Variants in KCND2 observed in about 807,000 individuals in gnomAD.
The protein encoded by KCND2 is potassium voltage-gated channel subfamily D member 2.
KCND2 carries 16 observed loss-of-function variants against 54.4 expected under a neutral mutation model. That is an observed-to-expected ratio of 0.29 (90% CI 0.20 to 0.45). The LOEUF is 0.45. Ranked by LOEUF, KCND2 falls within the 20% of genes least tolerant of loss-of-function variation. The probability of loss-of-function intolerance (pLI) is 1.00; values close to 1 mark genes in which losing one functional copy is unlikely to be tolerated. For missense variants in KCND2, 486 were observed against 824.2 expected (o/e 0.59, Z 5.02); for synonymous variants, 317 against 310.7 (o/e 1.02, Z -0.21).
chr7:120,366,353 C>T (rs554944481), intron 1 of KCND2, among the ~76,000 whole-genome samples: 13 of 151,486 alleles, frequency 8.6e-5, no homozygotes, highest in East Asian at 3.9e-4. Context: ...GACGTGGTGG[C>T]GCATGCCTGT....
At chr7:120,451,967 G>A (rs1047629753) in intron 1 of KCND2, among the ~76,000 whole-genome samples, 6 of 152,090 alleles carry the variant, frequency 3.9e-5, no homozygotes, top group African/African-American at 1.4e-4. Context: ...AGTCTATAAG[G>A]CTAATTATTC....
chr7:120,274,481 A>G lies in KCND2; in HGVS notation c.-152A>G. 1.2e-6 allele frequency: 1 copy of G among 838,440 alleles called. No individual in the cohort carries two copies. Among genetic ancestry groups the G allele is most frequent in the Non-Finnish European group, 2.0e-6 (1 of 501,464 alleles). 51.9% of individuals were successfully genotyped at this position (838,440 alleles called of 1,614,324 possible). ...TTGCCCTTCTGAGAACTGTGACTTT[A>G]CCAGGAGCCCTATCTTGGAATAAGA... On this transcript the variant is annotated 5_prime_UTR_variant, in exon 1 of 6. Coordinates refer to ENST00000331113, the MANE Select transcript of KCND2 (RefSeq NM_012281.3).
intron 1 of KCND2, among the ~76,000 whole-genome samples, chr7:120,586,166 GACACACACACACACACAAACACACAC>G (rs1053715053): frequency 6.6e-6 from 1 of 150,416 alleles, no homozygotes; most frequent in African/African-American, 2.4e-5. Context: ...CTCACACACA[GACACACACACACACACAAACACACAC>G]ACACAGGCAT....
At chr7:120,309,474 T>TATATATATATATATATATATATATAC in intron 1 of KCND2, among the ~76,000 whole-genome samples, 1 of 113,270 alleles carries the variant, frequency 8.8e-6, no homozygotes, top group South Asian at 2.9e-4. Flanking sequence ...TATATATATA[T>TATATATATATATATATATATATATAC]ACACACACAC....
At chr7:120,473,833 A>G (rs1048911154) in intron 1 of KCND2, among the ~76,000 whole-genome samples, 2 of 152,160 alleles carry the variant, frequency 1.3e-5, no homozygotes, top group Admixed American at 6.5e-5. Context: ...TTCCCTCCCT[A>G]AGCAAATCAC....
intron 1 of KCND2, among the ~76,000 whole-genome samples, chr7:120,538,049 A>G (rs1436031786): frequency 1.3e-5 from 2 of 152,162 alleles, no homozygotes; most frequent in African/African-American, 2.4e-5. Context: ...AGCTTTTCAC[A>G]TGCTACTCTC....
At chr7:120,623,272 T>G (rs534908531) in intron 1 of KCND2, among the ~76,000 whole-genome samples, 1 of 152,280 alleles carries the variant, frequency 6.6e-6, no homozygotes, top group South Asian at 2.1e-4. Flanking sequence ...CGTGTATTAT[T>G]ATTAATGGTA....
Position 120,602,254 on chromosome 7 carries a change from C to G in KCND2, c.1116-130649C>G, listed in dbSNP as rs1477806042. Among the ~76,000 whole-genome samples the G allele has an allele frequency of 2.6e-5, 4 of 152,146 alleles. No homozygotes were observed. The South Asian group carries it at 6.2e-4, about 24-fold the overall frequency. On this transcript the variant is annotated intron_variant, in intron 1 of 5. Transcript: ENST00000331113. ...TGGGTTATTATGAAAAATGTTCATT[C>G]TCAGTGATCATCAGAGTGTGGCGAA...
rs11521032 is a variant in KCND2 at position 120,534,635 on chromosome 7, A to G, written c.1116-198268A>G. The stretch of plus-strand genomic sequence containing the variant: ...TTTTTCAGTTGATAGCAATGTATCA[A>G]TGTCAATTTCTTAATTGTGACAACC... On this transcript the variant is annotated intron_variant, in intron 1 of 5. Coordinates refer to ENST00000331113, the MANE Select transcript of KCND2 (RefSeq NM_012281.3). Among the ~76,000 whole-genome samples the G allele has an allele frequency of 4.9e-4, 75 of 152,302 alleles. 1 individual carries two copies. The highest frequency in any genetic ancestry group is 1.7e-3 in the African/African-American group (71 of 41,582).
At chr7:120,491,555 T>C (rs1389877850) in intron 1 of KCND2, among the ~76,000 whole-genome samples, 3 of 152,154 alleles carry the variant, frequency 2.0e-5, no homozygotes, top group African/African-American at 7.2e-5. Flanking sequence ...CCTACATTTG[T>C]GGTACATAAC....
chr7:120,483,243 A>T (rs915011012), intron 1 of KCND2, among the ~76,000 whole-genome samples: 13 of 152,208 alleles, frequency 8.5e-5, no homozygotes, highest in Non-Finnish European at 1.3e-4. Context: ...CGTGAAAGGT[A>T]TATGGCTTTC....
At chr7:120,314,332 CAA>C (rs761723040) in intron 1 of KCND2, among the ~76,000 whole-genome samples, 60 of 96,228 alleles carry the variant, frequency 6.2e-4, no homozygotes, top group African/African-American at 1.7e-3. Context: ...GACTCCATCT[CAA>C]AAAAAAAAAA....
chr7:120,298,823 A>G (rs1467956430), intron 1 of KCND2, among the ~76,000 whole-genome samples: 1 of 152,168 alleles, frequency 6.6e-6, no homozygotes. Context: ...TTTACCTGTT[A>G]TTGCGTTGGT....
At chr7:120,450,717 T>G (rs1802090550) in intron 1 of KCND2, among the ~76,000 whole-genome samples, 2 of 152,196 alleles carry the variant, frequency 1.3e-5, no homozygotes, top group Admixed American at 1.3e-4. Flanking sequence ...TGAAAACATT[T>G]AAAGGAGTAG....
chr7:120,497,833 A>G (rs1584802241), intron 1 of KCND2, among the ~76,000 whole-genome samples: 1 of 152,324 alleles, frequency 6.6e-6, no homozygotes, highest in Non-Finnish European at 1.5e-5. Flanking sequence ...GCCTGATAAA[A>G]TAGTTTCACT....
At chr7:120,677,532 TATAG>T (rs1465579376) in intron 1 of KCND2, among the ~76,000 whole-genome samples, 1 of 138,154 alleles carries the variant, frequency 7.2e-6, no homozygotes. Flanking sequence ...TATATATAGA[TATAG>T]ATATAGATAT....
chr7:120,377,093 T>C (rs1487623237), intron 1 of KCND2, among the ~76,000 whole-genome samples: 1 of 151,978 alleles, frequency 6.6e-6, no homozygotes, highest in East Asian at 1.9e-4. Flanking sequence ...GTTCAAATTC[T>C]GACTCAGCTA....
intron 1 of KCND2, among the ~76,000 whole-genome samples, chr7:120,531,338 A>G (rs1343457266): frequency 6.6e-6 from 1 of 152,040 alleles, no homozygotes; most frequent in Non-Finnish European, 1.5e-5. Flanking sequence ...TTACCCATGC[A>G]CTTCCCTATT....
At chr7:120,736,185 A>T (rs2116157226) in intron 2 of KCND2, among the ~76,000 whole-genome samples, 1 of 152,240 alleles carries the variant, frequency 6.6e-6, no homozygotes, top group East Asian at 1.9e-4. Context: ...TAGACACAAT[A>T]TTAATTTTAG....
Sources: gnomAD v4.1 joint callset for allele counts (sites outside exome capture counted in the v4.1 genomes callset) on GRCh38, gnomAD v4.1.1 for gene constraint, MANE v1.5 for transcripts, NCBI Gene and HGNC (gene_info 2026-07-23, HGNC 2026-07-21) for gene names.